The following DCTN2 variants were observed in gnomAD, a reference collection of about 807,000 sequenced individuals.
DCTN2 encodes the protein dynactin subunit 2.
In DCTN2, 18 loss-of-function variants were observed where a neutral mutation model predicts 55.4. The observed-to-expected ratio is 0.32, with a 90% CI of 0.22 to 0.48. The LOEUF (loss-of-function observed/expected upper bound fraction) is 0.48. Among genes scored for constraint, DCTN2 ranks in the 20% least tolerant of loss-of-function variants. DCTN2 has a pLI of 0.99. For synonymous variants in DCTN2, 168 were observed against 185.2 expected (o/e 0.91, Z 0.76); for missense variants, 390 against 491.0 (o/e 0.79, Z 1.94).
intron 13 of DCTN2, among the ~76,000 whole-genome samples, chr12:57,531,387 C>T (rs1037774635): frequency 3.3e-5 from 5 of 152,000 alleles, no homozygotes; most frequent in Non-Finnish European, 7.4e-5. Flanking sequence ...TGTGGTGGTG[C>T]GTGCCTGTAA....
chr12:57,534,781 C>G (rs182753626), intron 5 of DCTN2, among the ~76,000 whole-genome samples: 1,689 of 152,310 alleles, frequency 0.011, 22 homozygotes, highest in Non-Finnish European at 0.015. Context: ...ATTCTCCTGC[C>G]TTAGCCTCCC....
intron 2 of DCTN2, 132 bp downstream of exon 2, chr12:57,545,896 T>G (rs1881105553): frequency 1.2e-6 from 1 of 847,860 alleles, no homozygotes; most frequent in East Asian, 2.6e-5. Flanking sequence ...TTGCAAGCCC[T>G]GCAACCTATA....
chr12:57,533,187 C>T (rs1389917953), intron 8 of DCTN2, 51 bp downstream of exon 8: 1 of 1,596,318 alleles, frequency 6.3e-7, no homozygotes, highest in Admixed American at 1.7e-5. Flanking sequence ...GACCTTAAGG[C>T]CTAGAGTTGC....
At chr12:57,535,026 C>A (rs1159398049) in intron 5 of DCTN2, 30 bp downstream of exon 5, 2 of 1,536,352 alleles carry the variant, frequency 1.3e-6, no homozygotes, top group Non-Finnish European at 1.8e-6. Flanking sequence ...TAAGTCACAG[C>A]AGAGAAGGGA....
intron 2 of DCTN2, chr12:57,541,452 A>G (rs1455209015): frequency 7.0e-7 from 1 of 1,428,690 alleles, no homozygotes; most frequent in Non-Finnish European, 9.7e-7. Context: ...GTGCGCCAAC[A>G]GTCAATGAAC....
In DCTN2 at chr12:57,535,788, C is replaced by A. The variant is rs1475310817; in HGVS notation, c.163G>T (p.Asp55Tyr). The A allele has an allele frequency of 1.2e-6, 2 of 1,613,970 alleles. No individual in the cohort carries two copies. Among genetic ancestry groups the A allele is most frequent in the Non-Finnish European group, 1.7e-6 (2 of 1,179,854 alleles). Residue 55 changes from aspartate (D) to tyrosine (Y), a missense_variant, in exon 3 of 14, where the codon GAC (aspartate) becomes TAC (tyrosine). By Grantham distance (160) the Asp-to-Tyr change is radical. Coordinates refer to ENST00000548249, the MANE Select transcript of DCTN2 (RefSeq NM_001261413.2). ...CCCACTCTCTTGTCCTTGAACTTGTCATAGGCAGCATTAGGATTGACAATG... is the reference window on the plus strand; with the variant it reads ...CCCACTCTCTTGTCCTTGAACTTGTAATAGGCAGCATTAGGATTGACAATG... ...HIIVNPNAAY[D>Y]KFKDKRVGTK...
chr12:57,530,542 T>C lies in DCTN2; in HGVS notation c.*147A>G. ...CTCTGTATTCATCAGGGGAGGGGTA[T>C]AAACCCCACATGCAAGAAGAACCCT... On this transcript the variant is annotated 3_prime_UTR_variant, in exon 14 of 14. Transcript: ENST00000548249. 1.5e-6 allele frequency: 1 copy of C among 687,548 alleles called. No individual in the cohort carries two copies. The highest frequency in any genetic ancestry group is 2.7e-5 in the East Asian group (1 of 36,884). 42.6% of individuals were successfully genotyped at this position (687,548 alleles called of 1,614,324 possible).
chr12:57,544,310 C>T (rs1880957524), intron 2 of DCTN2, among the ~76,000 whole-genome samples: 1 of 152,074 alleles, frequency 6.6e-6, no homozygotes, highest in African/African-American at 2.4e-5. Context: ...CTCCTGTATA[C>T]TTTGAATCAT....
intron 2 of DCTN2, chr12:57,539,958 G>A (rs1880560445): frequency 3.2e-6 from 1 of 308,714 alleles, no homozygotes; most frequent in African/African-American, 2.3e-5. Context: ...CCCGGGAGGT[G>A]GAGGTTGCAG....
chr12:57,541,130 A>G (rs1480483436), intron 2 of DCTN2, among the ~76,000 whole-genome samples: 5 of 152,224 alleles, frequency 3.3e-5, no homozygotes, highest in Non-Finnish European at 7.3e-5. Context: ...TCCACTGGAC[A>G]GTTTTACTCT....
intron 9 of DCTN2, 41 bp downstream of exon 9, chr12:57,532,943 C>T (rs769531856): frequency 6.3e-7 from 1 of 1,598,288 alleles, no homozygotes; most frequent in East Asian, 2.2e-5. Flanking sequence ...ACCCAACTAT[C>T]CCCTCTGTGA....
intron 1 of DCTN2, among the ~76,000 whole-genome samples, chr12:57,546,434 G>A (rs1881164215): frequency 6.6e-6 from 1 of 152,080 alleles, no homozygotes; most frequent in Non-Finnish European, 1.5e-5. Context: ...CCACCACCCT[G>A]GCACAAGGAT....
intron 8 of DCTN2, 79 bp downstream of exon 8, chr12:57,533,159 C>CTTAT: frequency 6.3e-7 from 1 of 1,581,382 alleles, no homozygotes; most frequent in Non-Finnish European, 8.7e-7. Flanking sequence ...TCCTCCCAGG[C>CTTAT]TTATGTGGAA....
At position 57,534,280 on chromosome 12, in the gene DCTN2, T is replaced by C. The variant is rs199688732; in HGVS notation, c.524+12A>G. The C allele has an allele frequency of 1.3e-5, 20 of 1,573,156 alleles. No homozygotes were observed. The highest frequency in any genetic ancestry group is 3.5e-5 in the South Asian group (3 of 86,694). ...AGTCAGCAATGATTTTTCAACAAAG[T>C]AGGGTACCCACTTAGCCAGGGCGCC... is the stretch of plus-strand genomic sequence containing the variant. On this transcript the variant is annotated intron_variant, in intron 6 of 13. Coordinates refer to ENST00000548249, the MANE Select transcript of DCTN2 (RefSeq NM_001261413.2).
Position 57,541,355 on chromosome 12 carries a change from T to C in DCTN2, c.105+4673A>G, listed in dbSNP as rs1262448418. 2.5e-6 allele frequency: 4 copies of C among 1,598,576 alleles called. No individual in the cohort carries two copies. The South Asian group carries it at 4.4e-5, about 18-fold the overall frequency. On this transcript the variant is annotated intron_variant, in intron 2 of 13. Coordinates refer to ENST00000548249, the MANE Select transcript of DCTN2 (RefSeq NM_001261413.2). ...AAACATGCAGAGAAGAAGCATTGAA[T>C]GGTCTTACTTGTGCAAACTAGTGTC... is the stretch of plus-strand genomic sequence containing the variant.
chr12:57,546,021 T>C lies in DCTN2; in HGVS notation c.105+7A>G. Reference sequence around the variant, plus strand: ...CCGGAGGAGTCTGTGGCAGCACACATTCTTACCGCATCGAACTCCGCTTGA... The same window carrying C: ...CCGGAGGAGTCTGTGGCAGCACACACTCTTACCGCATCGAACTCCGCTTGA... On this transcript the variant is annotated splice_region_variant and intron_variant, in intron 2 of 13. Coordinates refer to ENST00000548249, the MANE Select transcript of DCTN2 (RefSeq NM_001261413.2). The C allele has an allele frequency of 6.2e-7, 1 of 1,613,436 alleles. No homozygotes were observed. The highest frequency in any genetic ancestry group is 8.5e-7 in the Non-Finnish European group (1 of 1,179,758).
intron 7 of DCTN2, 132 bp downstream of exon 7, chr12:57,533,819 CAA>C (rs1879973878): frequency 2.2e-6 from 2 of 929,328 alleles, no homozygotes; most frequent in African/African-American, 3.4e-5. Context: ...AATCAGGAAT[CAA>C]AAGAGGAATC....
chr12:57,530,372 G>A lies in DCTN2; in HGVS notation c.*317C>T. ...TACAGTATTACAGTCAGCCACAGAA[G>A]CTGTGTTGGGGGACAAGACCCAATC... On this transcript the variant is annotated 3_prime_UTR_variant, in exon 14 of 14. Coordinates refer to ENST00000548249, the MANE Select transcript of DCTN2 (RefSeq NM_001261413.2). 3.3e-6 allele frequency: 1 copy of A among 299,216 alleles called. No individual in the cohort carries two copies. Among genetic ancestry groups the A allele is most frequent in the South Asian group, 7.4e-5 (1 of 13,452 alleles). 18.5% of individuals were successfully genotyped at this position (299,216 alleles called of 1,614,324 possible).
At chr12:57,535,692 C>A in intron 3 of DCTN2, 57 bp downstream of exon 3, 1 of 1,547,328 alleles carries the variant, frequency 6.5e-7, no homozygotes. Flanking sequence ...GACAGGAAAC[C>A]ACTTCTCATG....
Sources: allele counts gnomAD v4.1 joint callset (sites outside exome capture counted in the v4.1 genomes callset), GRCh38; gene constraint gnomAD v4.1.1; transcripts MANE v1.5; gene names NCBI Gene and HGNC (gene_info 2026-07-23, HGNC 2026-07-21).